DYRK1A: variants seen among roughly 807,000 people sequenced by gnomAD.
DYRK1A encodes the protein dual specificity tyrosine phosphorylation regulated kinase 1A, also known as dual specificity tyrosine-phosphorylation-regulated kinase 1A.
DYRK1A carries 9 observed loss-of-function variants against 79.7 expected under a neutral mutation model. The ratio of observed to expected loss-of-function variants is 0.11; its 90% confidence interval spans 0.07 to 0.20. The LOEUF (loss-of-function observed/expected upper bound fraction) is 0.20. Ranked by LOEUF, DYRK1A falls within the 10% of genes least tolerant of loss-of-function variation. The pLI is 1.00. For missense variants in DYRK1A, 622 were observed against 956.0 expected (o/e 0.65, Z 4.61); for synonymous variants, 349 against 329.7 (o/e 1.06, Z -0.63).
At chr21:37,427,735 C>T (rs16995099) in intron 2 of DYRK1A, among the ~76,000 whole-genome samples, 5,519 of 152,116 alleles carry the variant, frequency 0.036, 335 homozygotes, top group African/African-American at 0.12. Flanking sequence ...ATGCTTCTAC[C>T]AGCTGCACAT....
At chr21:37,407,579 T>TGAC (rs2050171573) in intron 1 of DYRK1A, among the ~76,000 whole-genome samples, 1 of 152,210 alleles carries the variant, frequency 6.6e-6, no homozygotes, top group Non-Finnish European at 1.5e-5. Context: ...ATATAACCTC[T>TGAC]CTAGACCTCA....
chr21:37,429,262 A>T (rs2050710312), intron 2 of DYRK1A, among the ~76,000 whole-genome samples: 1 of 152,170 alleles, frequency 6.6e-6, no homozygotes, highest in South Asian at 2.1e-4. Context: ...CTGTTTTTGT[A>T]ACCTACTGGT....
intron 2 of DYRK1A, among the ~76,000 whole-genome samples, chr21:37,441,675 C>T (rs1367215894): frequency 6.6e-6 from 1 of 152,078 alleles, no homozygotes; most frequent in Non-Finnish European, 1.5e-5. Flanking sequence ...TATTTCTCTA[C>T]TACTGTCCTT....
chr21:37,466,235 T>C (rs1342886882), intron 2 of DYRK1A, among the ~76,000 whole-genome samples: 1 of 151,724 alleles, frequency 6.6e-6, no homozygotes, highest in Non-Finnish European at 1.5e-5. Context: ...GTGAATACAG[T>C]AGATATACAC....
At chr21:37,431,723 A>G (rs975120886) in intron 2 of DYRK1A, among the ~76,000 whole-genome samples, 1 of 152,114 alleles carries the variant, frequency 6.6e-6, no homozygotes, top group Admixed American at 6.5e-5. Flanking sequence ...TACCCCCTAA[A>G]CTTAAGTCTG....
intron 2 of DYRK1A, among the ~76,000 whole-genome samples, chr21:37,440,047 A>G (rs1476333926): frequency 7.6e-6 from 1 of 131,640 alleles, no homozygotes; most frequent in African/African-American, 2.8e-5. Flanking sequence ...TTGGGGTTTT[A>G]TTGATTTCTG....
chr21:37,489,347 A>T lies in DYRK1A; in HGVS notation c.638-828A>T, dbSNP rs143919881. On this transcript the variant is annotated intron_variant, in intron 6 of 11. Coordinates refer to ENST00000647188, the MANE Select transcript of DYRK1A (RefSeq NM_001347721.2). ...GCACTTTATCGAATAACCTCATCTGATGTGACGTCAGTGTTAATAGTTAAA... is the reference window on the plus strand; with the variant it reads ...GCACTTTATCGAATAACCTCATCTGTTGTGACGTCAGTGTTAATAGTTAAA... Among the ~76,000 whole-genome samples, 760 of 152,246 alleles carry T rather than the reference A, an allele frequency of 5.0e-3. 1 individual carries two copies. Among genetic ancestry groups the T allele is most frequent in the Non-Finnish European group, 7.8e-3 (528 of 67,980 alleles).
In DYRK1A at chr21:37,474,406, TTAAAG is replaced by T. The variant is rs143431536; in HGVS notation, c.207+1530_207+1534del. On this transcript the variant is annotated intron_variant, in intron 3 of 11. Transcript: ENST00000647188. The stretch of plus-strand genomic sequence containing the variant: ...TTTGTGTGATGTAAAAAGACTATCT[TTAAAG>T]TAATAATACTCAGCCAAATATTTCT... Among the ~76,000 whole-genome samples the T allele has an allele frequency of 4.3e-4, 65 of 152,348 alleles. No individual in the cohort carries two copies. The East Asian group carries it at 9.8e-3, about 23-fold the overall frequency.
chr21:37,451,504 A>T (rs888956514), intron 2 of DYRK1A, among the ~76,000 whole-genome samples: 3 of 152,104 alleles, frequency 2.0e-5, no homozygotes, highest in African/African-American at 4.8e-5. Flanking sequence ...TGAGGGTTAC[A>T]GTTGCCCTCA....
At chr21:37,370,677 G>C (rs1207700122) in intron 1 of DYRK1A, among the ~76,000 whole-genome samples, 3 of 152,146 alleles carry the variant, frequency 2.0e-5, no homozygotes, top group African/African-American at 7.2e-5. Flanking sequence ...CAAGAATTTA[G>C]TTCCTCATCC....
chr21:37,365,721 G>C (rs2049289559), upstream of DYRK1A: 1 of 152,264 alleles, frequency 6.6e-6, no homozygotes, highest in Non-Finnish European at 1.5e-5. Context: ...TCTGGAAACC[G>C]AGAAGGTGTA....
chr21:37,440,083 C>G (rs1363909169), intron 2 of DYRK1A, among the ~76,000 whole-genome samples: 1 of 139,866 alleles, frequency 7.1e-6, no homozygotes, highest in Non-Finnish European at 1.6e-5. Flanking sequence ...GATTTCTACT[C>G]TGGATCCTTA....
chr21:37,399,347 T>C (rs545368954), intron 1 of DYRK1A, among the ~76,000 whole-genome samples: 1 of 152,312 alleles, frequency 6.6e-6, no homozygotes, highest in Admixed American at 6.5e-5. Flanking sequence ...TGATTGCTGC[T>C]ACCCCATTAT....
intron 2 of DYRK1A, among the ~76,000 whole-genome samples, chr21:37,459,999 TA>T (rs1320946591): frequency 6.6e-6 from 1 of 152,212 alleles, no homozygotes; most frequent in Non-Finnish European, 1.5e-5. Flanking sequence ...GTCATGAAGA[TA>T]AACTTTTTAA....
intron 1 of DYRK1A, among the ~76,000 whole-genome samples, chr21:37,370,691 A>G (rs888158868): frequency 3.3e-5 from 5 of 152,138 alleles, no homozygotes; most frequent in African/African-American, 9.7e-5. Context: ...CTCATCCCCA[A>G]AGTTGTGTTA....
intron 1 of DYRK1A, among the ~76,000 whole-genome samples, chr21:37,370,034 A>ATG (rs2148351267): frequency 6.6e-6 from 1 of 152,266 alleles, no homozygotes; most frequent in Non-Finnish European, 1.5e-5. Context: ...ATATTGTCTG[A>ATG]TGTTTGCTCC....
chr21:37,476,371 T>C (rs185613423), intron 3 of DYRK1A, among the ~76,000 whole-genome samples: 7 of 152,356 alleles, frequency 4.6e-5, no homozygotes, highest in African/African-American at 1.7e-4. Flanking sequence ...ACTGTTATTG[T>C]TACTTTATTA....
intron 1 of DYRK1A, among the ~76,000 whole-genome samples, chr21:37,390,496 G>C (rs922734173): frequency 1.3e-5 from 2 of 152,126 alleles, no homozygotes; most frequent in African/African-American, 4.8e-5. Flanking sequence ...TCCGTTTTTG[G>C]CAGTTGCCCC....
At chr21:37,375,508 G>C (rs1401358240) in intron 1 of DYRK1A, among the ~76,000 whole-genome samples, 1 of 145,560 alleles carries the variant, frequency 6.9e-6, no homozygotes, top group African/African-American at 2.5e-5. Flanking sequence ...AATATTCCTA[G>C]AGGAATATTA....
Sources: gnomAD v4.1 joint callset for allele counts (sites outside exome capture counted in the v4.1 genomes callset) on GRCh38, gnomAD v4.1.1 for gene constraint, MANE v1.5 for transcripts, NCBI Gene and HGNC (gene_info 2026-07-23, HGNC 2026-07-21) for gene names.